Variants in CDH4 observed in about 807,000 individuals in gnomAD.
The protein encoded by CDH4 is cadherin-4.
CDH4 carries 33 observed loss-of-function variants against 86.0 expected under a neutral mutation model. The observed-to-expected ratio is 0.38, with a 90% CI of 0.29 to 0.51. The LOEUF is 0.51. CDH4 is among the 20% of genes least tolerant of loss of function. CDH4 has a pLI of 0.86. For synonymous variants in CDH4, 555 were observed against 549.4 expected (o/e 1.01, Z -0.14); for missense variants, 1,114 against 1,307.4 (o/e 0.85, Z 2.28).
At chr20:61,345,588 G>A (rs570849870) in intron 2 of CDH4, among the ~76,000 whole-genome samples, 3 of 152,212 alleles carry the variant, frequency 2.0e-5, no homozygotes, top group Admixed American at 6.5e-5. Context: ...CACTCCTCAC[G>A]ATGCCTTCAT....
chr20:61,303,413 G>A (rs528987119), intron 2 of CDH4, among the ~76,000 whole-genome samples: 231 of 152,318 alleles, frequency 1.5e-3, no homozygotes, highest in Non-Finnish European at 2.4e-3. Context: ...CAAGGGGCTC[G>A]AGGCACAGCC....
rs980815737 is a variant in CDH4, at chr20:61,811,288, G to A, written c.577-33380G>A. On this transcript the variant is annotated intron_variant, in intron 4 of 15. Transcript: ENST00000614565. This position sits in a 1 kb window ranked among gnomAD's most constrained non-coding sequence, Gnocchi z 4.4. ...GGCAAGGAGCTTTTCCTGAAAGCTG[G>A]GATCCACATGCCGGCAGCCCAAGAC... 1.3e-5 allele frequency among the ~76,000 whole-genome samples: 2 copies of A among 152,214 alleles called. No homozygotes were observed. Among genetic ancestry groups the A allele is most frequent in the East Asian group, 3.9e-4 (2 of 5,190 alleles).
At chr20:61,590,669 A>G (rs1473607490) in intron 2 of CDH4, among the ~76,000 whole-genome samples, 2 of 152,096 alleles carry the variant, frequency 1.3e-5, no homozygotes, top group African/African-American at 2.4e-5. Flanking sequence ...CAGCCTGGGG[A>G]CTTGGGTCGG....
At chr20:61,405,158 CTCCA>C (rs1423610517) in intron 2 of CDH4, among the ~76,000 whole-genome samples, 1 of 151,992 alleles carries the variant, frequency 6.6e-6, no homozygotes, top group African/African-American at 2.4e-5. Flanking sequence ...TGGAGAGGTC[CTCCA>C]TCCCCTCCTT....
At chr20:61,506,297 C>T (rs774300424) in intron 2 of CDH4, among the ~76,000 whole-genome samples, 11 of 152,216 alleles carry the variant, frequency 7.2e-5, no homozygotes, top group Non-Finnish European at 1.6e-4. Flanking sequence ...AATCCAGTTA[C>T]AGTAATAGCT....
chr20:61,802,751 T>A (rs1979897636), intron 4 of CDH4, among the ~76,000 whole-genome samples: 1 of 152,172 alleles, frequency 6.6e-6, no homozygotes, highest in African/African-American at 2.4e-5. Flanking sequence ...CACCTGGGCC[T>A]AGACGGGGCG....
chr20:61,504,206 T>G (rs1187021945), intron 2 of CDH4, among the ~76,000 whole-genome samples: 1 of 152,218 alleles, frequency 6.6e-6, no homozygotes, highest in Non-Finnish European at 1.5e-5. Context: ...GCTGGCTCCG[T>G]GGCCGGCCAC....
chr20:61,299,528 T>A (rs2084375096), intron 2 of CDH4, among the ~76,000 whole-genome samples: 1 of 152,226 alleles, frequency 6.6e-6, no homozygotes, highest in African/African-American at 2.4e-5. Context: ...ACTTAGATGT[T>A]TCTTGGTAAC....
chr20:61,359,245 G>A (rs145005164), intron 2 of CDH4, among the ~76,000 whole-genome samples: 16 of 152,274 alleles, frequency 1.1e-4, no homozygotes, highest in African/African-American at 3.4e-4. Context: ...ATTCTGTGTC[G>A]TTGGCTCACT....
chr20:61,887,111 C>T (rs926030339), intron 7 of CDH4, among the ~76,000 whole-genome samples: 1 of 152,182 alleles, frequency 6.6e-6, no homozygotes, highest in Non-Finnish European at 1.5e-5. Context: ...CCCACCCACC[C>T]TCTCACCCCA....
chr20:61,706,851 C>T (rs142729649), intron 2 of CDH4, among the ~76,000 whole-genome samples: 9 of 152,298 alleles, frequency 5.9e-5, no homozygotes, highest in East Asian at 1.9e-4. Context: ...CCACATTAGC[C>T]GCATGACCCT....
intron 2 of CDH4, among the ~76,000 whole-genome samples, chr20:61,430,679 G>A (rs2085241664): frequency 6.6e-6 from 1 of 152,180 alleles, no homozygotes. Flanking sequence ...CGCCAGTCCT[G>A]CTTCCCTCCT....
rs1175188544 is a variant in CDH4 at position 61,417,153 on chromosome 20, C to T, written c.169+162216C>T. On this transcript the variant is annotated intron_variant, in intron 2 of 15. Transcript: ENST00000614565. This position sits in a 1 kb window ranked among gnomAD's most constrained non-coding sequence, Gnocchi z 4.0. The stretch of plus-strand genomic sequence containing the variant: ...AAACCCAGATTCTGTGGCCTATTTC[C>T]TTCTTCTTCAGAAAAGGACTCTGTT... Among the ~76,000 whole-genome samples, 1 of 152,136 alleles carries T rather than the reference C, an allele frequency of 6.6e-6. No individual in the cohort carries two copies. The highest frequency in any genetic ancestry group is 1.5e-5 in the Non-Finnish European group (1 of 68,024).
chr20:61,652,617 GATA>G (rs2087133465), intron 2 of CDH4, among the ~76,000 whole-genome samples: 1 of 152,068 alleles, frequency 6.6e-6, no homozygotes, highest in Non-Finnish European at 1.5e-5. Context: ...CATGGACATT[GATA>G]ATGCTTCTAA....
chr20:61,886,222 G>A (rs370767845), intron 7 of CDH4, among the ~76,000 whole-genome samples: 61 of 152,348 alleles, frequency 4.0e-4, no homozygotes, highest in African/African-American at 1.4e-3. Context: ...AGTTCCAGGC[G>A]TGGCTCCTGC....
intron 2 of CDH4, among the ~76,000 whole-genome samples, chr20:61,270,324 C>A (rs2084177258): frequency 6.6e-6 from 1 of 152,224 alleles, no homozygotes; most frequent in Admixed American, 6.5e-5. Context: ...CTGCAGCCTG[C>A]AGCTTCTTCT....
intron 2 of CDH4, among the ~76,000 whole-genome samples, chr20:61,647,522 A>ATTCTCTCTCTCTCTC: frequency 1.5e-5 from 1 of 65,160 alleles, no homozygotes; most frequent in South Asian, 3.7e-4. Flanking sequence ...ATGCACACAC[A>ATTCTCTCTCTCTCTC]TATTCTCTCT....
At chr20:61,411,907 G>C (rs1283653749) in intron 2 of CDH4, among the ~76,000 whole-genome samples, 1 of 152,214 alleles carries the variant, frequency 6.6e-6, no homozygotes, top group Non-Finnish European at 1.5e-5. Context: ...GGCCCAACAG[G>C]GGACTGGGTG....
At chr20:61,443,925 T>G (rs1443825276) in intron 2 of CDH4, among the ~76,000 whole-genome samples, 1 of 149,802 alleles carries the variant, frequency 6.7e-6, no homozygotes, top group Non-Finnish European at 1.5e-5. Flanking sequence ...TATCTCTGTG[T>G]GTGTGTCTTT....
Sources: gnomAD v4.1 joint callset for allele counts (sites outside exome capture counted in the v4.1 genomes callset) on GRCh38, gnomAD v4.1.1 for gene constraint, Gnocchi (gnomAD v3.1) non-coding constraint, MANE v1.5 for transcripts, NCBI Gene and HGNC (gene_info 2026-07-23, HGNC 2026-07-21) for gene names.